Variants in APOL1 observed in about 807,000 individuals in gnomAD.
APOL1 encodes apolipoprotein L1.
In APOL1, 17 loss-of-function variants were observed where a neutral mutation model predicts 14.9. The observed-to-expected ratio is 1.14, with a 90% CI of 0.78 to 1.71. The LOEUF is 1.71. Ranked by LOEUF, APOL1 falls within the 40% of genes most tolerant of loss-of-function variation. The pLI is 0.00. For synonymous variants in APOL1, 195 were observed against 184.8 expected (o/e 1.05, Z -0.45); for missense variants, 523 against 485.9 (o/e 1.08, Z -0.72).
rs555288384 is a variant in APOL1 at position 36,257,331 on chromosome 22, C to G, written c.111C>G (p.Asn37Lys). The G allele has an allele frequency of 1.9e-6, 3 of 1,614,044 alleles. No individual in the cohort carries two copies. Among genetic ancestry groups the G allele is most frequent in the Non-Finnish European group, 2.5e-6 (3 of 1,179,994 alleles). The stretch of plus-strand genomic sequence containing the variant: ...TCTCCTCCTCAAGGGTGCAACAAAA[C>G]GTTCCAAGTGGGACAGATACTGGAG... ...AEEAGARVQQNVPSGTDTGDP... is the reference protein window; with the variant it reads ...AEEAGARVQQKVPSGTDTGDP... The change falls in exon 4 of 6, where the codon AAC becomes AAG. Residue 37 changes from asparagine to lysine, a missense_variant. Asn to Lys is a moderately conservative substitution (Grantham distance 94). Coordinates refer to ENST00000397278, the MANE Select transcript of APOL1 (RefSeq NM_003661.4).
chr22:36,260,798 T>C (rs1019574110), intron 4 of APOL1, among the ~76,000 whole-genome samples: 4 of 152,216 alleles, frequency 2.6e-5, no homozygotes, highest in African/African-American at 4.8e-5. Context: ...TTAAGGGATA[T>C]ATATTTGAAA....
chr22:36,259,215 C>T (rs136152), intron 4 of APOL1, among the ~76,000 whole-genome samples: 151,920 of 152,320 alleles, frequency 1, 75,760 homozygotes, highest in Middle Eastern at 1. Context: ...GTAGGTATTG[C>T]CTGTCCAGGA....
chr22:36,265,176 G>C lies in APOL1; in HGVS notation c.340G>C (p.Ala114Pro), dbSNP rs202184759. 6.2e-7 allele frequency: 1 copy of C among 1,614,158 alleles called. No individual in the cohort carries two copies. Among genetic ancestry groups the C allele is most frequent in the African/African-American group, 1.3e-5 (1 of 75,022 alleles). The change falls in exon 6 of 6, where the codon GCT becomes CCT. Residue 114 changes from alanine (A) to proline (P), a missense_variant. Transcript: ENST00000397278. ...GAATGAGGCAGATGAGCTCCGTAAA[G>C]CTCTGGACAACCTTGCAAGACAAAT... ...PRNEADELRK[A>P]LDNLARQMIM...
chr22:36,256,875 T>C (rs1219123062), intron 2 of APOL1, among the ~76,000 whole-genome samples: 2 of 152,166 alleles, frequency 1.3e-5, no homozygotes, highest in Non-Finnish European at 2.9e-5. Flanking sequence ...TGTGTGATCA[T>C]CGAATGAGAC....
chr22:36,263,068 G>C (rs1258614724), intron 5 of APOL1, among the ~76,000 whole-genome samples: 3 of 152,158 alleles, frequency 2.0e-5, no homozygotes, highest in Non-Finnish European at 2.9e-5. Flanking sequence ...AATGGCCTTG[G>C]TGTGCACACA....
At chr22:36,257,020 T>A (rs910895147) in intron 2 of APOL1, 63 bp from the exon 3 acceptor site, 3 of 1,567,214 alleles carry the variant, frequency 1.9e-6, no homozygotes, top group Non-Finnish European at 2.6e-6. Flanking sequence ...ATAGACTCTG[T>A]AGTTTCTGTA....
At chr22:36,255,621 A>T (rs796194868) in intron 2 of APOL1, among the ~76,000 whole-genome samples, 58 of 150,624 alleles carry the variant, frequency 3.9e-4, no homozygotes, top group African/African-American at 1.4e-3. Context: ...AAAGGGAAAG[A>T]GGGAGGCGAG....
chr22:36,254,685 AC>A (rs1403695452), intron 1 of APOL1, among the ~76,000 whole-genome samples: 1 of 151,846 alleles, frequency 6.6e-6, no homozygotes, highest in African/African-American at 2.4e-5. Context: ...ACATGGTGAA[AC>A]CCTGTCTCTA....
chr22:36,264,201 C>T (rs1483805332), intron 5 of APOL1, among the ~76,000 whole-genome samples: 1 of 152,220 alleles, frequency 6.6e-6, no homozygotes, highest in Non-Finnish European at 1.5e-5. Context: ...AAGCTGCCCT[C>T]ATGGCTGACC....
chr22:36,259,648 T>G, intron 4 of APOL1: 1 of 1,277,222 alleles, frequency 7.8e-7, no homozygotes, highest in Non-Finnish European at 1.0e-6. Flanking sequence ...CAAAACAAGA[T>G]GATCTGTGGT....
chr22:36,253,273 T>A (rs181671669), intron 1 of APOL1, 54 bp downstream of exon 1: 35 of 354,876 alleles, frequency 9.9e-5, no homozygotes, highest in Non-Finnish European at 1.6e-4. Context: ...CTTTTGTAGA[T>A]AAGCTGGGAG....
chr22:36,256,546 A>G (rs1454904982), intron 2 of APOL1, among the ~76,000 whole-genome samples: 2 of 152,194 alleles, frequency 1.3e-5, no homozygotes, highest in Non-Finnish European at 2.9e-5. Flanking sequence ...ATCTGGCAAG[A>G]TCCAGGTCTT....
rs73403883 is a variant in APOL1, at chr22:36,264,322, G to T, written c.315-829G>T. 6.9e-4 allele frequency among the ~76,000 whole-genome samples: 105 copies of T among 152,180 alleles called. 1 individual carries two copies. The highest frequency in any genetic ancestry group is 2.4e-3 in the African/African-American group (98 of 41,502). On this transcript the variant is annotated intron_variant, in intron 5 of 5. Coordinates refer to ENST00000397278, the MANE Select transcript of APOL1 (RefSeq NM_003661.4). The stretch of plus-strand genomic sequence containing the variant: ...CCCATCATCCATCAGATTCCTATAC[G>T]GTCCCGTGGCCAAATCACCAGGCAA...
At chr22:36,255,802 G>T (rs1248811789) in intron 2 of APOL1, among the ~76,000 whole-genome samples, 3 of 150,982 alleles carry the variant, frequency 2.0e-5, no homozygotes, top group Non-Finnish European at 2.9e-5. Context: ...CAATGGTAAT[G>T]CTTGGAGCCG....
Position 36,257,325 on chromosome 22 carries a change from A to G in APOL1, c.105A>G (p.Gln35=). The part of the protein sequence containing the change: ...VRAEEAGARV[Q]QNVPSGTDTG... ...TTGTTTTCTCCTCCTCAAGGGTGCA[A>G]CAAAACGTTCCAAGTGGGACAGATA... The change falls in exon 4 of 6, where the codon CAA becomes CAG. Residue 35 remains glutamine (Q), a synonymous_variant. Coordinates refer to ENST00000397278, the MANE Select transcript of APOL1 (RefSeq NM_003661.4). 1 of 1,614,138 alleles carries G rather than the reference A, an allele frequency of 6.2e-7. No homozygotes were observed. The highest frequency in any genetic ancestry group is 1.1e-5 in the South Asian group (1 of 91,086).
In APOL1 at chr22:36,257,152, T is replaced by C. The variant is rs1477514487; in HGVS notation, c.98+16T>C. 6.2e-7 allele frequency: 1 copy of C among 1,614,116 alleles called. No homozygotes were observed. The highest frequency in any genetic ancestry group is 1.7e-5 in the Admixed American group (1 of 60,014). On this transcript the variant is annotated intron_variant, in intron 3 of 5. Transcript: ENST00000397278. ...CTGGAGCGAGGTGAGTGTCTGCAAA[T>C]AGCAGATGATGGGGGCTCAGTGATA...
Position 36,265,687 on chromosome 22 carries a change from G to A in APOL1, c.851G>A (p.Arg284His), listed in dbSNP as rs150685787. The A allele has an allele frequency of 3.0e-3, 4,850 of 1,607,790 alleles. 19 individuals carry two copies. The highest frequency in any genetic ancestry group is 2.8e-3 in the Non-Finnish European group (3,312 of 1,176,358). Residue 284 changes from arginine (R) to histidine (H), a missense_variant, in exon 6 of 6, where the codon CGT becomes CAT. Coordinates refer to ENST00000397278, the MANE Select transcript of APOL1 (RefSeq NM_003661.4). ...ACACGAGGCATTGGGAAGGACATCC[G>A]TGCCCTCAGACGAGCCAGAGCCAAT... ...QLTRGIGKDI[R>H]ALRRARANLQ...
In APOL1 at chr22:36,253,965, G is replaced by A. The variant is rs757583570; in HGVS notation, c.-20+746G>A. The A allele has an allele frequency of 3.7e-6, 6 of 1,614,072 alleles. No homozygotes were observed. The East Asian group carries it at 1.3e-4, about 36-fold the overall frequency. On this transcript the variant is annotated intron_variant, in intron 1 of 5. Transcript: ENST00000397278. ...GGCATGATGCCAGCTTTGCAATCATGAGATTCAAAAGCCACACTGTGGAAT... is the reference window on the plus strand; with the variant it reads ...GGCATGATGCCAGCTTTGCAATCATAAGATTCAAAAGCCACACTGTGGAAT...
chr22:36,257,026 C>T, intron 2 of APOL1, 57 bp from the exon 3 acceptor site: 1 of 1,586,434 alleles, frequency 6.3e-7, no homozygotes, highest in Non-Finnish European at 8.6e-7. Context: ...TCTGTAGTTT[C>T]TGTAATGATC....
Sources: gnomAD v4.1 joint callset for allele counts (sites outside exome capture counted in the v4.1 genomes callset) on GRCh38, gnomAD v4.1.1 for gene constraint, MANE v1.5 for transcripts, NCBI Gene and HGNC (gene_info 2026-07-23, HGNC 2026-07-21) for gene names.